Variants in PRTG observed in about 807,000 individuals in gnomAD.
PRTG encodes the protein protogenin.
In PRTG, 67 loss-of-function variants were observed where a neutral mutation model predicts 122.5. That is an observed-to-expected ratio of 0.55 (90% confidence interval 0.45 to 0.67). The LOEUF (loss-of-function observed/expected upper bound fraction) is 0.67. Among genes scored for constraint, PRTG ranks in the 30% least tolerant of loss-of-function variants. The pLI is 0.00. For synonymous variants in PRTG, 554 were observed against 501.1 expected (o/e 1.11, Z -1.41); for missense variants, 1,435 against 1,415.4 (o/e 1.01, Z -0.22).
intron 11 of PRTG, among the ~76,000 whole-genome samples, chr15:55,664,982 G>A (rs2059430537): frequency 6.6e-6 from 1 of 152,206 alleles, no homozygotes; most frequent in Admixed American, 6.5e-5. Context: ...ATGTTGGCCA[G>A]GCGCAGTGGC....
chr15:55,703,671 T>A (rs1025988022), intron 2 of PRTG, among the ~76,000 whole-genome samples: 3 of 152,250 alleles, frequency 2.0e-5, no homozygotes, highest in Non-Finnish European at 2.9e-5. Flanking sequence ...CAACATTCTT[T>A]GTCTTCATCT....
chr15:55,665,259 C>CA (rs890732230), intron 11 of PRTG, among the ~76,000 whole-genome samples: 2 of 150,114 alleles, frequency 1.3e-5, no homozygotes, highest in African/African-American at 4.9e-5. Context: ...GACTCTGTCT[C>CA]AAAAAAAAGA....
chr15:55,660,636 A>C (rs2059404757), intron 11 of PRTG, among the ~76,000 whole-genome samples: 1 of 152,192 alleles, frequency 6.6e-6, no homozygotes, highest in African/African-American at 2.4e-5. Flanking sequence ...TAAAAATACC[A>C]TTTGAAAGTT....
intron 1 of PRTG, among the ~76,000 whole-genome samples, chr15:55,741,542 G>A (rs1444728534): frequency 6.6e-6 from 1 of 152,166 alleles, no homozygotes; most frequent in African/African-American, 2.4e-5. Flanking sequence ...CCAGGATAAA[G>A]CATTCGATGA....
At chr15:55,706,764 C>A (rs1303617633) in intron 2 of PRTG, among the ~76,000 whole-genome samples, 1 of 151,914 alleles carries the variant, frequency 6.6e-6, no homozygotes, top group Non-Finnish European at 1.5e-5. Context: ...AAAACCTTGT[C>A]TCTTAAAAAA....
intron 11 of PRTG, among the ~76,000 whole-genome samples, chr15:55,648,506 G>C (rs944055724): frequency 3.3e-5 from 5 of 152,052 alleles, no homozygotes; most frequent in African/African-American, 1.2e-4. Flanking sequence ...CCATGCCTTC[G>C]TCCGGCATTT....
intron 1 of PRTG, 176 bp downstream of exon 1, chr15:55,742,662 T>G: frequency 1.4e-6 from 1 of 714,344 alleles, no homozygotes; most frequent in Non-Finnish European, 2.3e-6. Context: ...GCAACTAGTG[T>G]CTGCAGCTGG....
At chr15:55,695,789 A>C (rs2141834576) in intron 2 of PRTG, among the ~76,000 whole-genome samples, 1 of 152,348 alleles carries the variant, frequency 6.6e-6, no homozygotes, top group South Asian at 2.1e-4. Context: ...TGGGCAACAC[A>C]GTGAAACCTT....
Position 55,740,257 on chromosome 15 carries a change from C to A in PRTG, c.397+125G>T, listed in dbSNP as rs2031565081. On this transcript the variant is annotated intron_variant, in intron 2 of 19. Transcript: ENST00000389286. ...TTTCTCTATATGCCTCAGTTAGCAT[C>A]AACTATTATCTCCAGTAAAATTCTT... 4 of 833,142 alleles carry A rather than the reference C, an allele frequency of 4.8e-6. No homozygotes were observed. The East Asian group carries it at 7.7e-5, about 16-fold the overall frequency. 51.6% of individuals were successfully genotyped at this position (833,142 alleles called of 1,614,324 possible).
intron 2 of PRTG, among the ~76,000 whole-genome samples, chr15:55,690,130 A>G (rs1035893465): frequency 1.3e-5 from 2 of 152,222 alleles, no homozygotes; most frequent in Admixed American, 6.5e-5. Context: ...TGTTCTTACA[A>G]TAAGACCATT....
chr15:55,712,586 T>A (rs1312307867), intron 2 of PRTG, among the ~76,000 whole-genome samples: 2 of 152,192 alleles, frequency 1.3e-5, no homozygotes, highest in Non-Finnish European at 2.9e-5. Flanking sequence ...CAAATTGAAT[T>A]AACCATGTGG....
intron 11 of PRTG, among the ~76,000 whole-genome samples, chr15:55,649,989 T>C (rs1182743186): frequency 6.6e-6 from 1 of 152,170 alleles, no homozygotes; most frequent in African/African-American, 2.4e-5. Context: ...AAATGTGGAT[T>C]AAATGAGTTT....
chr15:55,732,434 C>T (rs1245196577), intron 2 of PRTG, among the ~76,000 whole-genome samples: 1 of 151,856 alleles, frequency 6.6e-6, no homozygotes. Context: ...ATCTACCTGC[C>T]TCAGGCTTCC....
chr15:55,738,179 A>G (rs2031497791), intron 2 of PRTG: 2 of 206,024 alleles, frequency 9.7e-6, no homozygotes, highest in African/African-American at 2.3e-5. Flanking sequence ...TTAAAAATAC[A>G]TAAAATATAA....
rs1370839334 is a variant in PRTG at position 55,742,752 on chromosome 15, C to T, written c.94+86G>A. On this transcript the variant is annotated intron_variant, in intron 1 of 19. Transcript: ENST00000389286. ...GGAGGACCCCGCCGCGCGCTCCCCA[C>T]GCCCCATCGTTTCCTCTTTCCCCAT... 8 of 1,484,794 alleles carry T rather than the reference C, an allele frequency of 5.4e-6. No individual in the cohort carries two copies. The African/African-American group carries it at 7.2e-5, about 13-fold the overall frequency. The allele number at this position is 1,484,794 out of a possible 1,614,324, so 92.0% of individuals were successfully genotyped here.
chr15:55,661,117 T>G (rs1403308764), intron 11 of PRTG, among the ~76,000 whole-genome samples: 1 of 152,154 alleles, frequency 6.6e-6, no homozygotes, highest in Non-Finnish European at 1.5e-5. Flanking sequence ...AAAAAAAGGT[T>G]TTGTCTTGCT....
chr15:55,724,352 C>T (rs1278595859), intron 2 of PRTG, among the ~76,000 whole-genome samples: 1 of 152,118 alleles, frequency 6.6e-6, no homozygotes, highest in African/African-American at 2.4e-5. Context: ...TATTTTGGGA[C>T]TCTGCTGTTT....
At chr15:55,655,420 A>C (rs1431192909) in intron 11 of PRTG, 1 of 152,246 alleles carries the variant, frequency 6.6e-6, no homozygotes, top group African/African-American at 2.4e-5. Context: ...CTGATAAATA[A>C]AACATTCAAC....
chr15:55,651,956 G>C (rs748356383), intron 11 of PRTG, among the ~76,000 whole-genome samples: 1 of 152,072 alleles, frequency 6.6e-6, no homozygotes, highest in Admixed American at 6.6e-5. Context: ...ATCCTCCTAC[G>C]ACCAAAGGAA....
Sources: allele counts gnomAD v4.1 joint callset (sites outside exome capture counted in the v4.1 genomes callset), GRCh38; gene constraint gnomAD v4.1.1; transcripts MANE v1.5; gene names NCBI Gene and HGNC (gene_info 2026-07-23, HGNC 2026-07-21).